Variants in GMDS observed in about 807,000 individuals in gnomAD.
The protein encoded by GMDS is GDP-mannose 4,6-dehydratase.
Under a neutral mutation model 49.9 loss-of-function variants are expected in GMDS, and 20 were observed. The observed-to-expected ratio is 0.40, with a 90% CI of 0.28 to 0.58. The LOEUF (loss-of-function observed/expected upper bound fraction) is 0.58. Ranked by LOEUF, GMDS falls within the 20% of genes least tolerant of loss-of-function variation. The pLI is 0.42. For missense variants in GMDS, 362 were observed against 481.4 expected (o/e 0.75, Z 2.32); for synonymous variants, 177 against 178.6 (o/e 0.99, Z 0.07).
At chr6:1,813,474 A>G (rs1770531406) in intron 7 of GMDS, among the ~76,000 whole-genome samples, 1 of 152,096 alleles carries the variant, frequency 6.6e-6, no homozygotes, top group African/African-American at 2.4e-5. Context: ...AAAAGAAATA[A>G]CTTTTTGAGG....
At chr6:2,238,646 T>C (rs1373767601) in intron 1 of GMDS, among the ~76,000 whole-genome samples, 2 of 152,194 alleles carry the variant, frequency 1.3e-5, no homozygotes, top group African/African-American at 4.8e-5. Context: ...GTGATAGGCC[T>C]TATTATAATA....
At chr6:1,769,365 C>CT (rs1444990545) in intron 7 of GMDS, among the ~76,000 whole-genome samples, 5 of 152,238 alleles carry the variant, frequency 3.3e-5, no homozygotes, top group Non-Finnish European at 5.9e-5. Flanking sequence ...GAAAATGACA[C>CT]TTTAACCTGT....
At chr6:1,843,109 C>CAAATA (rs10629924) in intron 7 of GMDS, among the ~76,000 whole-genome samples, 18,840 of 136,982 alleles carry the variant, frequency 0.14, 1,457 homozygotes, top group South Asian at 0.19. Context: ...GACCCTGCAT[C>CAAATA]AAATAAAATA....
intron 1 of GMDS, among the ~76,000 whole-genome samples, chr6:2,132,785 G>T (rs925652106): frequency 2.0e-5 from 3 of 152,104 alleles, no homozygotes; most frequent in Non-Finnish European, 2.9e-5. Flanking sequence ...CTGCCTAACC[G>T]GACAGTTCAG....
At chr6:2,034,943 T>C (rs1324404701) in intron 4 of GMDS, among the ~76,000 whole-genome samples, 1 of 152,126 alleles carries the variant, frequency 6.6e-6, no homozygotes, top group African/African-American at 2.4e-5. Context: ...AAACCCAGCC[T>C]GAGGATGGTT....
chr6:1,636,379 T>C (rs900053430), intron 9 of GMDS, among the ~76,000 whole-genome samples: 7 of 152,166 alleles, frequency 4.6e-5, no homozygotes, highest in Non-Finnish European at 8.8e-5. Flanking sequence ...ACAGACAATA[T>C]AAAGATTGAG....
At chr6:1,690,780 T>A (rs373586372) in intron 9 of GMDS, among the ~76,000 whole-genome samples, 1 of 152,312 alleles carries the variant, frequency 6.6e-6, no homozygotes, top group East Asian at 1.9e-4. Context: ...TCGCTGATCA[T>A]TAGTGAAATG....
At chr6:2,145,908 A>G (rs554693758) in intron 1 of GMDS, among the ~76,000 whole-genome samples, 1 of 152,256 alleles carries the variant, frequency 6.6e-6, no homozygotes, top group South Asian at 2.1e-4. Context: ...CAAATACCAC[A>G]CCATCTCATA....
chr6:1,845,747 C>T (rs1237519444), intron 7 of GMDS, among the ~76,000 whole-genome samples: 10 of 152,172 alleles, frequency 6.6e-5, no homozygotes, highest in African/African-American at 2.2e-4. Flanking sequence ...AGCTCTCTTG[C>T]ATGCACAGTA....
chr6:1,798,765 C>T (rs979493886), intron 7 of GMDS, among the ~76,000 whole-genome samples: 1 of 152,166 alleles, frequency 6.6e-6, no homozygotes, highest in African/African-American at 2.4e-5. Context: ...GCAATCAGAT[C>T]CCATTTTCTG....
chr6:2,099,731 T>A (rs1773816391), intron 4 of GMDS, among the ~76,000 whole-genome samples: 1 of 152,100 alleles, frequency 6.6e-6, no homozygotes, highest in Non-Finnish European at 1.5e-5. Context: ...ATTTCCACTA[T>A]TCTGCATTAA....
At chr6:1,733,507 C>T (rs922656918) in intron 8 of GMDS, among the ~76,000 whole-genome samples, 10 of 152,126 alleles carry the variant, frequency 6.6e-5, no homozygotes, top group African/African-American at 1.4e-4. Flanking sequence ...CTATAAAAGA[C>T]GAGAGGGAGC....
chr6:1,727,030 A>G (rs1766615810), intron 8 of GMDS, among the ~76,000 whole-genome samples: 1 of 152,308 alleles, frequency 6.6e-6, no homozygotes, highest in East Asian at 1.9e-4. Context: ...TGGATCACAT[A>G]CAAGTTCTCC....
At chr6:1,771,984 G>GTGTAA (rs3839589) in intron 7 of GMDS, among the ~76,000 whole-genome samples, 52,172 of 151,580 alleles carry the variant, frequency 0.34, 9,286 homozygotes, top group South Asian at 0.46. Flanking sequence ...GAAGGTTTTT[G>GTGTAA]TGTAATTTCC....
intron 9 of GMDS, among the ~76,000 whole-genome samples, chr6:1,677,256 C>T (rs1385233245): frequency 5.9e-5 from 9 of 152,164 alleles, no homozygotes; most frequent in East Asian, 5.8e-4. Context: ...GTTAGGATGG[C>T]GATCATTAAA....
intron 7 of GMDS, among the ~76,000 whole-genome samples, chr6:1,806,217 T>A (rs1249512511): frequency 6.6e-6 from 1 of 152,096 alleles, no homozygotes; most frequent in African/African-American, 2.4e-5. Context: ...GAGGAAGGAG[T>A]TAGTCATTCA....
intron 4 of GMDS, among the ~76,000 whole-genome samples, chr6:2,073,151 C>T (rs997783198): frequency 1.1e-4 from 16 of 152,114 alleles, no homozygotes; most frequent in African/African-American, 3.6e-4. Context: ...CGCTTTGTGC[C>T]GAATGCACCA....
At chr6:1,941,649 C>T (rs1762829573) in intron 6 of GMDS, among the ~76,000 whole-genome samples, 1 of 152,134 alleles carries the variant, frequency 6.6e-6, no homozygotes. Context: ...AGGGGTGAGA[C>T]TGGGAGGACT....
At chr6:1,713,358 C>T (rs550301575) in intron 9 of GMDS, among the ~76,000 whole-genome samples, 11 of 152,334 alleles carry the variant, frequency 7.2e-5, no homozygotes, top group East Asian at 3.9e-4. Flanking sequence ...CCACATGTGA[C>T]GACTAGGCAC....
Sources: allele counts gnomAD v4.1 joint callset (sites outside exome capture counted in the v4.1 genomes callset), GRCh38; gene constraint gnomAD v4.1.1; transcripts MANE v1.5; gene names NCBI Gene and HGNC (gene_info 2026-07-23, HGNC 2026-07-21).